Variants in BAIAP2L1 observed in about 807,000 individuals in gnomAD.
BAIAP2L1 encodes BAR/IMD domain-containing adapter protein 2-like 1.
Under a neutral mutation model 66.3 loss-of-function variants are expected in BAIAP2L1, and 35 were observed. The ratio of observed to expected loss-of-function variants is 0.53; its 90% CI spans 0.40 to 0.70. The LOEUF (loss-of-function observed/expected upper bound fraction) is 0.70, where lower values mean the gene tolerates loss of function less well. Among genes scored for constraint, BAIAP2L1 ranks in the 30% least tolerant of loss-of-function variants. The pLI, the probability that BAIAP2L1 is intolerant of heterozygous loss-of-function variation, is 0.00. For synonymous variants in BAIAP2L1, 269 were observed against 248.7 expected (o/e 1.08, Z -0.77); for missense variants, 622 against 656.9 (o/e 0.95, Z 0.58).
chr7:98,378,996 A>AT (rs1802696400), intron 1 of BAIAP2L1, among the ~76,000 whole-genome samples: 1 of 152,002 alleles, frequency 6.6e-6, no homozygotes, highest in Admixed American at 6.6e-5. Context: ...CGCCTGGCTA[A>AT]TTTTTTGTAT....
At chr7:98,358,985 G>A (rs1802203694) in intron 2 of BAIAP2L1, among the ~76,000 whole-genome samples, 1 of 152,088 alleles carries the variant, frequency 6.6e-6, no homozygotes, top group South Asian at 2.1e-4. Flanking sequence ...TGGGCACTGG[G>A]GCTTATACTC....
At chr7:98,353,290 A>C (rs926087940) in intron 3 of BAIAP2L1, among the ~76,000 whole-genome samples, 9 of 147,704 alleles carry the variant, frequency 6.1e-5, no homozygotes, top group African/African-American at 1.7e-4. Context: ...AGAGTTCAAG[A>C]CCAACCTGGC....
chr7:98,389,898 G>A (rs1476707241), intron 1 of BAIAP2L1, among the ~76,000 whole-genome samples: 1 of 151,510 alleles, frequency 6.6e-6, no homozygotes, highest in South Asian at 2.1e-4. Flanking sequence ...CCTGTTGCAC[G>A]TGTAGTCTTG....
chr7:98,315,632 A>G lies in BAIAP2L1; in HGVS notation c.487-20T>C. 9.0e-7 allele frequency: 1 copy of G among 1,105,082 alleles called. No individual in the cohort carries two copies. Among genetic ancestry groups the G allele is most frequent in the African/African-American group, 1.6e-5 (1 of 62,038 alleles). The allele number at this position is 1,105,082 out of a possible 1,614,324, so 68.5% of individuals were successfully genotyped here. ...CACATACTAAAAAAAAAAAAATAAT[A>G]ATAATAATAATTATATAAGCATGAC... On this transcript the variant is annotated intron_variant, in intron 6 of 13. Coordinates refer to ENST00000005260, the MANE Select transcript of BAIAP2L1 (RefSeq NM_018842.5).
intron 7 of BAIAP2L1, among the ~76,000 whole-genome samples, chr7:98,314,099 C>T (rs1800986233): frequency 6.7e-6 from 1 of 150,358 alleles, no homozygotes; most frequent in African/African-American, 2.4e-5. Context: ...AATTCTCCTG[C>T]CTCAGCCTCC....
rs1239115259 is a variant in BAIAP2L1 at position 98,292,729 on chromosome 7, T to C, written c.*792A>G. 26 of 1,551,108 alleles carry C rather than the reference T, an allele frequency of 1.7e-5. No homozygotes were observed. Among genetic ancestry groups the C allele is most frequent in the Middle Eastern group, 1.7e-4 (1 of 6,012 alleles). On this transcript the variant is annotated 3_prime_UTR_variant, in exon 14 of 14. Coordinates refer to ENST00000005260, the MANE Select transcript of BAIAP2L1 (RefSeq NM_018842.5). ...AAACCAGGACCCCGAGCAGTTTGAG[T>C]GTACTGGTAATGGATGCAGCTTTGG... is the stretch of plus-strand genomic sequence containing the variant.
chr7:98,349,424 G>A lies in BAIAP2L1; in HGVS notation c.214+5618C>T, dbSNP rs1267725607. Among the ~76,000 whole-genome samples, 5 of 152,138 alleles carry A rather than the reference G, an allele frequency of 3.3e-5. No individual in the cohort carries two copies. In the East Asian group the frequency reaches 5.8e-4, roughly 18 times the overall value. On this transcript the variant is annotated intron_variant, in intron 3 of 13. Transcript: ENST00000005260. Reference sequence around the variant, plus strand: ...CTAAGAAGAGCCACGCCCACGCTACGCCTCTGTGATTTCCACTATCCTTAC... The same window carrying A: ...CTAAGAAGAGCCACGCCCACGCTACACCTCTGTGATTTCCACTATCCTTAC...
intron 8 of BAIAP2L1, 132 bp from the exon 9 acceptor site, chr7:98,310,724 T>C: frequency 1.4e-6 from 1 of 720,380 alleles, no homozygotes; most frequent in Non-Finnish European, 2.0e-6. Flanking sequence ...TCTCGCTGTG[T>C]TGCCCAGGCT....
intron 11 of BAIAP2L1, among the ~76,000 whole-genome samples, chr7:98,305,047 G>GTTTTTTTTTTT (rs59633894): frequency 3.0e-5 from 3 of 100,380 alleles, no homozygotes; most frequent in East Asian, 3.6e-4. Flanking sequence ...TTTGTTTTTT[G>GTTTTTTTTTTT]TTTTTTTTTT....
chr7:98,355,111 T>C lies in BAIAP2L1; in HGVS notation c.145A>G (p.Lys49Glu). Residue 49 changes from lysine (K) to glutamate (E), a missense_variant, in exon 3 of 14, where the codon AAA becomes GAA. Physicochemically the swap from Lys to Glu is moderately conservative, Grantham distance 56 (BLOSUM62 1). Transcript: ENST00000005260. ...TTGGCCACTCCATCGTAGTAGGCTT[T>C]TCCTGCCAGGATCATAGCTAGACAC... The part of the protein sequence containing the change: ...KAVNAMILAG[K>E]AYYDGVAKIG... The C allele has an allele frequency of 1.2e-6, 2 of 1,613,342 alleles. No homozygotes were observed. Among genetic ancestry groups the C allele is most frequent in the Non-Finnish European group, 1.7e-6 (2 of 1,179,284 alleles).
chr7:98,397,063 A>G (rs1327982938), intron 1 of BAIAP2L1, among the ~76,000 whole-genome samples: 1 of 152,114 alleles, frequency 6.6e-6, no homozygotes, highest in African/African-American at 2.4e-5. Flanking sequence ...TTGGGGTGGG[A>G]AGAGAGGGAA....
chr7:98,373,978 G>C (rs77036463), intron 1 of BAIAP2L1, among the ~76,000 whole-genome samples: 3,699 of 152,158 alleles, frequency 0.024, 151 homozygotes, highest in African/African-American at 0.085. Context: ...TTTGAGATAG[G>C]GTCTTGCTGT....
intron 3 of BAIAP2L1, among the ~76,000 whole-genome samples, chr7:98,341,743 G>A (rs1470824501): frequency 6.6e-6 from 1 of 152,096 alleles, no homozygotes; most frequent in East Asian, 1.9e-4. Flanking sequence ...GATTATAGGA[G>A]TTAATATTAC....
chr7:98,389,375 G>C (rs919625107), intron 1 of BAIAP2L1, among the ~76,000 whole-genome samples: 24 of 152,112 alleles, frequency 1.6e-4, no homozygotes, highest in African/African-American at 4.8e-4. Context: ...CTGGAGTGCA[G>C]TGGCACCATC....
In BAIAP2L1 at chr7:98,344,772, T is replaced by TA. The variant is rs1197156080; in HGVS notation, c.214+10269dup. Among the ~76,000 whole-genome samples, 6 of 150,772 alleles carry TA rather than the reference T, an allele frequency of 4.0e-5. No individual in the cohort carries two copies. The East Asian group carries it at 1.2e-3, about 29-fold the overall frequency. On this transcript the variant is annotated intron_variant, in intron 3 of 13. Coordinates refer to ENST00000005260, the MANE Select transcript of BAIAP2L1 (RefSeq NM_018842.5). ...CAACATGGTGAAACCCCGTCTCTAC[T>TA]AAAAATGCAAAAAATTAGCCAGGCG...
chr7:98,333,329 G>A (rs1192342080), intron 3 of BAIAP2L1, among the ~76,000 whole-genome samples: 1 of 151,826 alleles, frequency 6.6e-6, no homozygotes, highest in East Asian at 1.9e-4. Flanking sequence ...CAGGTGCGGT[G>A]GCTCACACCT....
intron 3 of BAIAP2L1, among the ~76,000 whole-genome samples, chr7:98,341,972 T>C (rs1033701863): frequency 6.6e-6 from 1 of 152,034 alleles, no homozygotes; most frequent in Non-Finnish European, 1.5e-5. Flanking sequence ...TATCCAGATC[T>C]TAGGAATATA....
At chr7:98,362,521 T>C (rs1040610297) in intron 1 of BAIAP2L1, 89 bp from the exon 2 acceptor site, 18 of 1,014,812 alleles carry the variant, frequency 1.8e-5, no homozygotes, top group Non-Finnish European at 2.6e-5. Flanking sequence ...CCAGGATAGC[T>C]ATGGATGCCT....
intron 12 of BAIAP2L1, among the ~76,000 whole-genome samples, chr7:98,294,941 C>A (rs929525174): frequency 6.6e-6 from 1 of 152,088 alleles, no homozygotes; most frequent in Admixed American, 6.5e-5. Context: ...TCCAAAAAGC[C>A]TGGAGGGTTT....
Sources: allele counts gnomAD v4.1 joint callset (sites outside exome capture counted in the v4.1 genomes callset), GRCh38; gene constraint gnomAD v4.1.1; transcripts MANE v1.5; gene names NCBI Gene and HGNC (gene_info 2026-07-23, HGNC 2026-07-21).